KIAA1549: variants seen among roughly 807,000 people sequenced by gnomAD.
The protein encoded by KIAA1549 is UPF0606 protein KIAA1549.
Under a neutral mutation model 156.4 loss-of-function variants are expected in KIAA1549, and 70 were observed. The observed-to-expected ratio is 0.45, with a 90% CI of 0.37 to 0.55. KIAA1549 has a LOEUF of 0.55. Ranked by LOEUF, KIAA1549 falls within the 20% of genes least tolerant of loss-of-function variation. The probability of loss-of-function intolerance (pLI) is 0.00; values close to 1 mark genes in which losing one functional copy is unlikely to be tolerated. For synonymous variants in KIAA1549, 1,103 were observed against 1,066.4 expected (o/e 1.03, Z -0.67); for missense variants, 2,428 against 2,540.9 (o/e 0.96, Z 0.96).
At chr7:138,951,026 C>G (rs1352191342) in intron 1 of KIAA1549, among the ~76,000 whole-genome samples, 1 of 152,106 alleles carries the variant, frequency 6.6e-6, no homozygotes, top group Non-Finnish European at 1.5e-5. Context: ...CCGCCCTAAC[C>G]CTCCCCATCC....
At position 138,838,236 on chromosome 7, in the gene KIAA1549, A is replaced by G. The variant is rs912400439; in HGVS notation, c.5599-76T>C. On this transcript the variant is annotated intron_variant, in intron 19 of 19. Coordinates refer to ENST00000422774, the MANE Select transcript of KIAA1549 (RefSeq NM_001164665.2). ...ACATCAAATGCAAACTGGCTTTAGG[A>G]AGGTTCCCAGGACTGCCCACGTCCA... 2.8e-6 allele frequency: 4 copies of G among 1,421,464 alleles called. No homozygotes were observed. The African/African-American group carries it at 4.3e-5, about 15-fold the overall frequency. 88.1% of individuals were successfully genotyped at this position (1,421,464 alleles called of 1,614,324 possible). A position where few individuals can be genotyped will look rare whatever the true frequency, so the allele number is the denominator to read the frequency against.
chr7:138,951,740 T>C (rs971927493), intron 1 of KIAA1549, among the ~76,000 whole-genome samples: 3 of 152,176 alleles, frequency 2.0e-5, no homozygotes, highest in African/African-American at 4.8e-5. Flanking sequence ...GCAAATACTC[T>C]TGAACCAACA....
At position 138,871,234 on chromosome 7, in the gene KIAA1549, G is replaced by A. The variant is rs1329678898; in HGVS notation, c.4474C>T (p.Gln1492Ter). The A allele has an allele frequency of 1.9e-6, 3 of 1,613,248 alleles. No homozygotes were observed. The highest frequency in any genetic ancestry group is 2.5e-6 in the Non-Finnish European group (3 of 1,179,804). The change falls in exon 13 of 20, where the codon CAG (glutamine) becomes TAG (stop). Residue 1492 changes from glutamine to a stop codon, truncating the protein, a stop_gained. Transcript: ENST00000422774. LOFTEE classifies it high-confidence loss of function. ...TGGACGGGAGGTGCCGGGATCGGCT[G>A]CATGGCGATAAGCTGGATCTTACTG... ...VPSKIQLIAM[Q>*]PIPAPPVQRP... is the part of the protein sequence containing the mutation.
Position 138,916,941 on chromosome 7 carries a change from G to A in KIAA1549, c.2685C>T (p.Pro895=). 1.9e-6 allele frequency: 3 copies of A among 1,609,016 alleles called. No individual in the cohort carries two copies. The highest frequency in any genetic ancestry group is 1.7e-6 in the Non-Finnish European group (2 of 1,177,198). Residue 895 remains proline, a synonymous_variant, in exon 2 of 20, where the codon CCC becomes CCT. Transcript: ENST00000422774. ...TTSTGAATGG[P]LDSTLMGDAA... is the part of the protein sequence containing the mutation. ...CGTCACCCATCAGGGTGGAGTCGAG[G>A]GGACCACCAGTGGCAGCACCGGTGC...
chr7:138,918,572 G>C lies in KIAA1549; in HGVS notation c.1054C>G (p.Leu352Val), dbSNP rs774890274. The change falls in exon 2 of 20, where the codon CTT becomes GTT. Residue 352 changes from leucine (L) to valine (V), a missense_variant. This residue lies in a region of KIAA1549 where 893 missense variants were observed against 847.9 expected (regional missense o/e 1.05). Coordinates refer to ENST00000422774, the MANE Select transcript of KIAA1549 (RefSeq NM_001164665.2). This position sits in a 1 kb window ranked among gnomAD's most constrained non-coding sequence, Gnocchi z 4.2. ...YPTVTASHAALAFSRTHSPLL... is the reference protein window; with the variant it reads ...YPTVTASHAAVAFSRTHSPLL... ...GGAGAATGTGTCCTGCTGAATGCAA[G>C]GGCTGCGTGCGATGCAGTCACAGTG... 25 of 1,613,928 alleles carry C rather than the reference G, an allele frequency of 1.5e-5. No individual in the cohort carries two copies. The highest frequency in any genetic ancestry group is 2.0e-5 in the Non-Finnish European group (24 of 1,179,904).
chr7:138,867,767 G>A (rs375179339), intron 15 of KIAA1549, among the ~76,000 whole-genome samples: 41 of 152,290 alleles, frequency 2.7e-4, no homozygotes, highest in African/African-American at 9.6e-4. Flanking sequence ...CACCCTGGCT[G>A]ACAGCACTCA....
chr7:138,843,328 C>T (rs188759251), intron 18 of KIAA1549, among the ~76,000 whole-genome samples: 6 of 152,272 alleles, frequency 3.9e-5, no homozygotes, highest in Admixed American at 2.6e-4. Flanking sequence ...AAAAACTGGA[C>T]CTTTTTCCTC....
At chr7:138,914,449 G>A (rs1046233939) in intron 2 of KIAA1549, among the ~76,000 whole-genome samples, 6 of 152,220 alleles carry the variant, frequency 3.9e-5, no homozygotes, top group Admixed American at 1.3e-4. Flanking sequence ...CAGGGCGCGT[G>A]CAGGCAAGTG....
chr7:138,898,441 G>C (rs1019259555), intron 9 of KIAA1549, among the ~76,000 whole-genome samples: 11 of 152,070 alleles, frequency 7.2e-5, no homozygotes, highest in African/African-American at 2.7e-4. Flanking sequence ...CTACACTGTG[G>C]AGTGACGTGA....
In KIAA1549 at chr7:138,844,438, C is replaced by A; in HGVS notation, c.5331G>T (p.Glu1777Asp). The A allele has an allele frequency of 6.4e-7, 1 of 1,556,506 alleles. No individual in the cohort carries two copies. The highest frequency in any genetic ancestry group is 8.7e-7 in the Non-Finnish European group (1 of 1,155,016). ...GFGPGLLQST[E>D]LVPPDPQQPQ... ...GCTGCTGAGGGTCAGGGGGCACCAG[C>A]TCTGTAGACTGCAGCAAACCGGGGC... The change falls in exon 18 of 20, where the codon GAG becomes GAT. Residue 1777 changes from glutamate to aspartate, a missense_variant. Physicochemically the swap from Glu to Asp is conservative, Grantham distance 45. This residue lies in a region of KIAA1549 where 363 missense variants were observed against 354.0 expected (regional missense o/e 1.03). Coordinates refer to ENST00000422774, the MANE Select transcript of KIAA1549 (RefSeq NM_001164665.2).
chr7:138,912,731 T>C (rs1043329883), intron 2 of KIAA1549, among the ~76,000 whole-genome samples: 17 of 151,946 alleles, frequency 1.1e-4, no homozygotes, highest in African/African-American at 4.1e-4. Context: ...TTGCCCCAGA[T>C]AGGTTAGATC....
intron 10 of KIAA1549, among the ~76,000 whole-genome samples, chr7:138,883,388 C>G (rs1175907923): frequency 6.6e-6 from 1 of 150,946 alleles, no homozygotes; most frequent in Non-Finnish European, 1.5e-5. Context: ...TCTCGGCTCA[C>G]CACAACCTCT....
At chr7:138,843,254 A>C (rs1809975212) in intron 18 of KIAA1549, among the ~76,000 whole-genome samples, 1 of 152,258 alleles carries the variant, frequency 6.6e-6, no homozygotes, top group African/African-American at 2.4e-5. Flanking sequence ...CCACATTATT[A>C]TAAAAATAAT....
intron 1 of KIAA1549, among the ~76,000 whole-genome samples, chr7:138,964,957 G>GTT (rs144214106): frequency 2.0e-5 from 3 of 149,392 alleles, no homozygotes; most frequent in African/African-American, 7.4e-5. Context: ...TTTTTTCTTT[G>GTT]TTTTTTTTTC....
At chr7:138,948,023 A>G (rs1052637111) in intron 1 of KIAA1549, among the ~76,000 whole-genome samples, 1 of 152,108 alleles carries the variant, frequency 6.6e-6, no homozygotes, top group Non-Finnish European at 1.5e-5. Context: ...TCGGCCTCCC[A>G]AAGTACTGGG....
At chr7:138,840,412 A>G (rs1407507530) in intron 18 of KIAA1549, 134 bp from the exon 19 acceptor site, 1 of 728,422 alleles carries the variant, frequency 1.4e-6, no homozygotes, top group Non-Finnish European at 2.2e-6. Flanking sequence ...ACTTGGTACC[A>G]GTTCTATCTC....
intron 10 of KIAA1549, among the ~76,000 whole-genome samples, chr7:138,889,488 G>A (rs1811490843): frequency 6.6e-6 from 1 of 152,130 alleles, no homozygotes; most frequent in Non-Finnish European, 1.5e-5. Flanking sequence ...TTATAAATAA[G>A]AATTTAGATA....
chr7:138,898,955 G>A lies in KIAA1549; in HGVS notation c.3847C>T (p.Pro1283Ser), dbSNP rs1447857490. 6.8e-6 allele frequency: 11 copies of A among 1,613,552 alleles called. No homozygotes were observed. The highest frequency in any genetic ancestry group is 9.3e-6 in the Non-Finnish European group (11 of 1,179,672). Reference sequence around the variant, plus strand: ...AGACGACAACACCTCAGGCACTTACGCTGGGCAATGACACCTTGAATTCGG... The same window carrying A: ...AGACGACAACACCTCAGGCACTTACACTGGGCAATGACACCTTGAATTCGG... ...GYRIQGVIAQPVDRVKRPSPE... is the reference protein window; with the variant it reads ...GYRIQGVIAQSVDRVKRPSPE... Residue 1283 changes from proline to serine, a missense_variant and splice_region_variant, in exon 9 of 20, where the codon CCT becomes TCT. Coordinates refer to ENST00000422774, the MANE Select transcript of KIAA1549 (RefSeq NM_001164665.2).
chr7:138,927,609 G>T (rs1465207148), intron 1 of KIAA1549, among the ~76,000 whole-genome samples: 1 of 152,246 alleles, frequency 6.6e-6, no homozygotes, highest in African/African-American at 2.4e-5. Flanking sequence ...CTGCACTCCA[G>T]CCTGGCAATA....
Sources: allele counts gnomAD v4.1 joint callset (sites outside exome capture counted in the v4.1 genomes callset), GRCh38; gene constraint gnomAD v4.1.1; regional missense constraint gnomAD v4.1.1; non-coding constraint Gnocchi (gnomAD v3.1); transcripts MANE v1.5; gene names NCBI Gene and HGNC (gene_info 2026-07-23, HGNC 2026-07-21).